AGBL1: variants seen among roughly 807,000 people sequenced by gnomAD.
The protein encoded by AGBL1 is AGBL carboxypeptidase 1.
AGBL1 carries 130 observed loss-of-function variants against 118.9 expected under a neutral mutation model. The ratio of observed to expected loss-of-function variants is 1.09; its 90% CI spans 0.95 to 1.26. The LOEUF (loss-of-function observed/expected upper bound fraction) is 1.26. AGBL1 is among the 50% of genes most tolerant of loss of function. The pLI, the probability that AGBL1 is intolerant of heterozygous loss-of-function variation, is 0.00. For missense variants in AGBL1, 1,584 were observed against 1,298.1 expected (o/e 1.22, Z -3.38); for synonymous variants, 555 against 478.9 (o/e 1.16, Z -2.08).
At chr15:86,932,515 T>C (rs2080618004) in intron 23 of AGBL1, among the ~76,000 whole-genome samples, 1 of 152,224 alleles carries the variant, frequency 6.6e-6, no homozygotes, top group South Asian at 2.1e-4. Context: ...ATAATAGCTT[T>C]GCGTGGGTGT....
Position 86,134,754 on chromosome 15 carries a change from C to A in AGBL1, c.52-7250C>A, listed in dbSNP as rs1302803335. Among the ~76,000 whole-genome samples the A allele has an allele frequency of 2.0e-5, 3 of 151,802 alleles. No individual in the cohort carries two copies. The East Asian group carries it at 5.8e-4, about 29-fold the overall frequency. ...TCAGCCTCCCGAGTAGCTAGGATTA[C>A]AGGCACGTGCCACTACGCCCAGTTA... is the stretch of plus-strand genomic sequence containing the variant. On this transcript the variant is annotated intron_variant, in intron 1 of 22. Transcript: ENST00000614907.
chr15:86,217,155 G>A (rs889310182), intron 5 of AGBL1, among the ~76,000 whole-genome samples: 1 of 151,934 alleles, frequency 6.6e-6, no homozygotes, highest in African/African-American at 2.4e-5. Flanking sequence ...TACTAATTTA[G>A]TGGGCTTTTC....
At chr15:86,133,153 A>C (rs1242762324) in intron 1 of AGBL1, among the ~76,000 whole-genome samples, 1 of 152,038 alleles carries the variant, frequency 6.6e-6, no homozygotes, top group Non-Finnish European at 1.5e-5. Flanking sequence ...TCTGAATTAA[A>C]CTTACATTTT....
At chr15:86,520,606 G>C (rs2083176105) in intron 18 of AGBL1, among the ~76,000 whole-genome samples, 1 of 152,210 alleles carries the variant, frequency 6.6e-6, no homozygotes, top group African/African-American at 2.4e-5. Context: ...GATGTAGAGA[G>C]AGTTCATACA....
intron 21 of AGBL1, among the ~76,000 whole-genome samples, chr15:86,671,528 T>G (rs1438437372): frequency 1.3e-5 from 2 of 152,214 alleles, no homozygotes; most frequent in East Asian, 3.9e-4. Flanking sequence ...GGAGCCAGTT[T>G]TATTCATAAA....
intron 18 of AGBL1, among the ~76,000 whole-genome samples, chr15:86,510,352 G>GTTTC (rs369633317): frequency 0.42 from 64,336 of 151,418 alleles, 14,931 homozygotes; most frequent in East Asian, 0.68. Flanking sequence ...TTCCTTCATG[G>GTTTC]CCTGCAAAGA....
chr15:86,675,762 T>A (rs1446193427), intron 22 of AGBL1, among the ~76,000 whole-genome samples: 4 of 152,144 alleles, frequency 2.6e-5, no homozygotes, highest in Non-Finnish European at 5.9e-5. Flanking sequence ...CATGCCTGGA[T>A]TTTCTTTCCT....
chr15:86,731,648 A>C (rs1201189125), intron 22 of AGBL1, among the ~76,000 whole-genome samples: 1 of 152,146 alleles, frequency 6.6e-6, no homozygotes, highest in Non-Finnish European at 1.5e-5. Flanking sequence ...CAAGATACAA[A>C]GATAGAGAGA....
chr15:87,023,025 T>C (rs2081683674), intron 24 of AGBL1, among the ~76,000 whole-genome samples: 1 of 151,644 alleles, frequency 6.6e-6, no homozygotes, highest in South Asian at 2.1e-4. Context: ...AAAGCATAAA[T>C]CTCACAGGAC....
At chr15:86,134,229 TG>T (rs144289827) in intron 1 of AGBL1, among the ~76,000 whole-genome samples, 2,366 of 152,322 alleles carry the variant, frequency 0.016, 66 homozygotes, top group African/African-American at 0.053. Context: ...AATTTAATAA[TG>T]TCTTTTATTT....
At chr15:86,398,706 T>TTAAG (rs1201122010) in intron 18 of AGBL1, among the ~76,000 whole-genome samples, 2 of 151,926 alleles carry the variant, frequency 1.3e-5, no homozygotes, top group Non-Finnish European at 2.9e-5. Flanking sequence ...AAGAAACAAT[T>TTAAG]TAAGTGTTAA....
chr15:86,191,823 C>T (rs1355042549), intron 5 of AGBL1, among the ~76,000 whole-genome samples: 1 of 151,098 alleles, frequency 6.6e-6, no homozygotes, highest in East Asian at 1.9e-4. Context: ...GTGCAGTAAT[C>T]CTAGAGCTTT....
At chr15:87,000,734 C>G (rs1313226253) in intron 24 of AGBL1, among the ~76,000 whole-genome samples, 4 of 118,524 alleles carry the variant, frequency 3.4e-5, no homozygotes, top group African/African-American at 6.7e-5. Flanking sequence ...TCCATATGAA[C>G]TTTAAAGTAG....
intron 17 of AGBL1, among the ~76,000 whole-genome samples, chr15:86,360,477 T>G (rs533994136): frequency 6.6e-6 from 1 of 151,942 alleles, no homozygotes; most frequent in East Asian, 1.9e-4. Flanking sequence ...TTTAAAAATC[T>G]ATGTTCATCA....
intron 23 of AGBL1, among the ~76,000 whole-genome samples, chr15:86,927,982 G>A (rs1298901932): frequency 2.0e-5 from 3 of 152,112 alleles, no homozygotes; most frequent in African/African-American, 7.2e-5. Context: ...GAGCATGTGT[G>A]TATATATGTT....
At chr15:87,022,193 G>A (rs184564646) in intron 24 of AGBL1, among the ~76,000 whole-genome samples, 437 of 152,126 alleles carry the variant, frequency 2.9e-3, no homozygotes, top group Non-Finnish European at 5.0e-3. Context: ...CCTTCCCTCT[G>A]ACAGAGTCTA....
chr15:86,782,427 G>A (rs2078348880), intron 22 of AGBL1, among the ~76,000 whole-genome samples: 1 of 152,072 alleles, frequency 6.6e-6, no homozygotes, highest in Admixed American at 6.6e-5. Flanking sequence ...GAGACAGTAG[G>A]ATTTTACTAT....
In AGBL1 at chr15:86,777,942, A is replaced by T. The variant is rs1180562680; in HGVS notation, c.3158+103506A>T. ...GAAATTCAGCCAGATATCCTGCGAA[A>T]TTCAGCCAGATATCGGGCGAAGTTC... is the stretch of plus-strand genomic sequence containing the variant. On this transcript the variant is annotated intron_variant, in intron 22 of 22. Coordinates refer to ENST00000614907, the MANE Select transcript of AGBL1 (RefSeq NM_001386094.1). Among the ~76,000 whole-genome samples the T allele has an allele frequency of 3.9e-5, 6 of 152,134 alleles. No individual in the cohort carries two copies. The East Asian group carries it at 1.2e-3, about 29-fold the overall frequency.
chr15:86,917,163 G>A (rs2080434661), downstream of AGBL1, among the ~76,000 whole-genome samples: 1 of 152,248 alleles, frequency 6.6e-6, no homozygotes, highest in African/African-American at 2.4e-5. The surrounding 1 kb of genome is among the most constrained non-coding windows in gnomAD (Gnocchi z 4.8). Context: ...GGAGAAGATA[G>A]AGAAGATGGG....
Sources: gnomAD v4.1 joint callset for allele counts (sites outside exome capture counted in the v4.1 genomes callset) on GRCh38, gnomAD v4.1.1 for gene constraint, Gnocchi (gnomAD v3.1) non-coding constraint, MANE v1.5 for transcripts, NCBI Gene and HGNC (gene_info 2026-07-23, HGNC 2026-07-21) for gene names.